The following DYNC2H1 variants were observed in gnomAD, a reference collection of about 807,000 sequenced individuals.
DYNC2H1 encodes the protein cytoplasmic dynein 2 heavy chain 1.
DYNC2H1 carries 410 observed loss-of-function variants against 570.0 expected under a neutral mutation model. The ratio of observed to expected loss-of-function variants is 0.72; its 90% CI spans 0.66 to 0.78. The LOEUF is 0.78. Ranked by LOEUF, DYNC2H1 falls within the 30% of genes least tolerant of loss-of-function variation. DYNC2H1 has a pLI of 0.00. For synonymous variants in DYNC2H1, 1,688 were observed against 1,677.6 expected (o/e 1.01, Z -0.15); for missense variants, 4,865 against 5,046.4 (o/e 0.96, Z 1.09).
intron 84 of DYNC2H1, among the ~76,000 whole-genome samples, chr11:103,406,001 T>C (rs1261663173): frequency 6.6e-6 from 1 of 152,002 alleles, no homozygotes; most frequent in Non-Finnish European, 1.5e-5. Flanking sequence ...GAGAAGTAGA[T>C]TGAAGCCAGT....
At chr11:103,456,883 AAT>A (rs1406184476) in intron 87 of DYNC2H1, among the ~76,000 whole-genome samples, 1 of 152,248 alleles carries the variant, frequency 6.6e-6, no homozygotes, top group Non-Finnish European at 1.5e-5. Context: ...TATTATATAA[AAT>A]TACCTTTGGG....
Position 103,213,954 on chromosome 11 carries a change from A to T in DYNC2H1, c.8695-1767A>T, listed in dbSNP as rs1307334433. Among the ~76,000 whole-genome samples, 4 of 152,126 alleles carry T rather than the reference A, an allele frequency of 2.6e-5. No individual in the cohort carries two copies. The East Asian group carries it at 7.7e-4, about 29-fold the overall frequency. ...CAATGTTTTATTCTAGAAGTTTTAT[A>T]GTTCCAGGTCTTTTGTTTAAGTCTT... On this transcript the variant is annotated intron_variant, in intron 54 of 88. Coordinates refer to ENST00000375735, the MANE Select transcript of DYNC2H1 (RefSeq NM_001377.3).
chr11:103,389,353 T>C (rs1942034227), intron 83 of DYNC2H1, among the ~76,000 whole-genome samples: 1 of 152,232 alleles, frequency 6.6e-6, no homozygotes, highest in African/African-American at 2.4e-5. Context: ...TGATACCCCC[T>C]TTAACATTTT....
At chr11:103,321,612 TAATA>T (rs887464115) in intron 81 of DYNC2H1, among the ~76,000 whole-genome samples, 9 of 152,260 alleles carry the variant, frequency 5.9e-5, no homozygotes, top group Admixed American at 2.0e-4. Flanking sequence ...AAATATTATT[TAATA>T]AATATGTGTC....
At chr11:103,424,287 A>C (rs472991) in intron 84 of DYNC2H1, among the ~76,000 whole-genome samples, 84,304 of 151,880 alleles carry the variant, frequency 0.56, 24,033 homozygotes, top group East Asian at 0.72. Flanking sequence ...TCACAATGAG[A>C]TAGCCCTGCA....
In DYNC2H1 at chr11:103,186,524, T is replaced by C; in HGVS notation, c.6893+23T>C. On this transcript the variant is annotated intron_variant, in intron 42 of 88. Coordinates refer to ENST00000375735, the MANE Select transcript of DYNC2H1 (RefSeq NM_001377.3). The surrounding 1 kb of genome is among the most constrained non-coding windows in gnomAD (Gnocchi z 4.5). ...AGGGTAAGAAAAATATTGGCAAAGG[T>C]ATATGTTGTGGATTTATTCCTGCCG... 6.2e-7 allele frequency: 1 copy of C among 1,601,048 alleles called. No homozygotes were observed. Among genetic ancestry groups the C allele is most frequent in the Non-Finnish European group, 8.5e-7 (1 of 1,176,376 alleles).
chr11:103,383,569 G>A (rs1160770223), intron 83 of DYNC2H1, among the ~76,000 whole-genome samples: 6 of 151,620 alleles, frequency 4.0e-5, no homozygotes, highest in Admixed American at 2.0e-4. Flanking sequence ...TGCCTCCCGC[G>A]TTCACGCCAT....
At chr11:103,240,744 A>G (rs1404802268) in intron 63 of DYNC2H1, among the ~76,000 whole-genome samples, 1 of 151,902 alleles carries the variant, frequency 6.6e-6, no homozygotes, top group African/African-American at 2.4e-5. Flanking sequence ...CACTTCCTTT[A>G]CTGTTGTTGG....
chr11:103,479,425 T>C lies in DYNC2H1; in HGVS notation c.*172T>C. Reference sequence around the variant, plus strand: ...TGTAAAAGCAGCACTGTGCATCTTTTAAAGTAATAAATTAATGGAGTTATT... The same window carrying C: ...TGTAAAAGCAGCACTGTGCATCTTTCAAAGTAATAAATTAATGGAGTTATT... On this transcript the variant is annotated 3_prime_UTR_variant, in exon 89 of 89. Coordinates refer to ENST00000375735, the MANE Select transcript of DYNC2H1 (RefSeq NM_001377.3). The C allele has an allele frequency of 1.8e-6, 1 of 558,928 alleles. No individual in the cohort carries two copies. The highest frequency in any genetic ancestry group is 2.8e-6 in the Non-Finnish European group (1 of 359,204). The allele number at this position is 558,928 out of a possible 1,614,324, so 34.6% of individuals were successfully genotyped here. A position where few individuals can be genotyped will look rare whatever the true frequency, so the allele number is the denominator to read the frequency against.
In DYNC2H1 at chr11:103,290,778, G is replaced by T. The variant is rs560888822; in HGVS notation, c.11095+3173G>T. 7.9e-5 allele frequency among the ~76,000 whole-genome samples: 12 copies of T among 152,156 alleles called. No individual in the cohort carries two copies. In the East Asian group the frequency reaches 2.3e-3, roughly 29 times the overall value. ...GACTCTCATTTTAATTTCTGCATGT[G>T]TGTTGTCCTTAGTCTCAAGGGTTCA... On this transcript the variant is annotated intron_variant, in intron 75 of 88. Coordinates refer to ENST00000375735, the MANE Select transcript of DYNC2H1 (RefSeq NM_001377.3).
chr11:103,209,879 C>T lies in DYNC2H1; in HGVS notation c.8458C>T (p.Pro2820Ser). The T allele has an allele frequency of 6.8e-7, 1 of 1,480,066 alleles. No individual in the cohort carries two copies. The highest frequency in any genetic ancestry group is 9.0e-7 in the Non-Finnish European group (1 of 1,112,470). 91.7% of individuals were successfully genotyped at this position (1,480,066 alleles called of 1,614,324 possible). A position where few individuals can be genotyped will look rare whatever the true frequency, so the allele number is the denominator to read the frequency against. ...GWSNSSMKKI[P>S]EMLFSETGGG... ...TGATATTCTTTTTATGTTTTAGATA[C>T]CTGAAATGTTATTCAGTGAAACAGG... Residue 2820 changes from proline (P) to serine (S), a missense_variant, in exon 53 of 89, where the codon CCT (proline) becomes TCT (serine). Physicochemically the swap from Pro to Ser is moderately conservative, Grantham distance 74. Transcript: ENST00000375735. This position sits in a 1 kb window ranked among gnomAD's most constrained non-coding sequence, Gnocchi z 4.2.
intron 81 of DYNC2H1, among the ~76,000 whole-genome samples, chr11:103,323,666 G>A (rs1452898127): frequency 6.6e-6 from 1 of 151,986 alleles, no homozygotes; most frequent in African/African-American, 2.4e-5. Flanking sequence ...TGGGAGTTAT[G>A]ATAAGAAAAT....
At chr11:103,153,588 G>T in intron 22 of DYNC2H1, 80 bp downstream of exon 22, 1 of 1,238,092 alleles carries the variant, frequency 8.1e-7, no homozygotes, top group Non-Finnish European at 1.1e-6. Context: ...TCTTATGTCT[G>T]TTATCTTGAT....
chr11:103,147,792 T>A lies in DYNC2H1; in HGVS notation c.2723T>A (p.Leu908Ter). The stretch of plus-strand genomic sequence containing the variant: ...TTCAGTGCTGTCAAGGTAGATTGTT[T>A]AAATATTAATTGCAACCCTGTGAAG... ...RLPSAVKVDC[L>*]NINCNPVKTV... The change falls in exon 19 of 89, where the codon TTA (leucine) becomes TAA (stop). Residue 908 changes from leucine (L) to a stop codon, truncating the protein, a stop_gained. Transcript: ENST00000375735. LOFTEE classifies it high-confidence loss of function. 1 of 1,608,750 alleles carries A rather than the reference T, an allele frequency of 6.2e-7. No individual in the cohort carries two copies. Among genetic ancestry groups the A allele is most frequent in the Non-Finnish European group, 8.5e-7 (1 of 1,178,054 alleles).
At chr11:103,115,679 G>A (rs1858350876) in intron 4 of DYNC2H1, among the ~76,000 whole-genome samples, 1 of 152,032 alleles carries the variant, frequency 6.6e-6, no homozygotes, top group African/African-American at 2.4e-5. Flanking sequence ...GCGCCTACTC[G>A]GGAGGCTGAG....
At chr11:103,146,854 T>G (rs1183240016) in intron 18 of DYNC2H1, among the ~76,000 whole-genome samples, 2 of 152,168 alleles carry the variant, frequency 1.3e-5, no homozygotes, top group Non-Finnish European at 2.9e-5. Flanking sequence ...TCCACCTGCT[T>G]CTGCCTCCCA....
At position 103,220,691 on chromosome 11, in the gene DYNC2H1, A is replaced by T. The variant is rs1445600427; in HGVS notation, c.9015A>T (p.Ser3005=). The T allele has an allele frequency of 1.2e-6, 2 of 1,612,768 alleles. No homozygotes were observed. Among genetic ancestry groups the T allele is most frequent in the East Asian group, 2.2e-5 (1 of 44,806 alleles). The change falls in exon 57 of 89, where the codon TCA becomes TCT. Residue 3005 remains serine, a synonymous_variant. Coordinates refer to ENST00000375735, the MANE Select transcript of DYNC2H1 (RefSeq NM_001377.3). ...CCGAATCACTTTCAGAAATTCGCTC[A>T]CTACGCATGCCACCTGATGTAATTA... The part of the protein sequence containing the change: ...IKPESLSEIR[S]LRMPPDVIRD...
chr11:103,336,651 G>A (rs991734833), intron 82 of DYNC2H1, among the ~76,000 whole-genome samples: 7 of 152,006 alleles, frequency 4.6e-5, no homozygotes, highest in Non-Finnish European at 8.8e-5. Context: ...TCTTTGTTAT[G>A]GTGAAATAAT....
At chr11:103,400,775 A>G (rs1229785392) in intron 84 of DYNC2H1, among the ~76,000 whole-genome samples, 1 of 152,118 alleles carries the variant, frequency 6.6e-6, no homozygotes, top group African/African-American at 2.4e-5. Flanking sequence ...AACTTCCTAC[A>G]TTCACATATA....
Sources: allele counts gnomAD v4.1 joint callset (sites outside exome capture counted in the v4.1 genomes callset), GRCh38; gene constraint gnomAD v4.1.1; non-coding constraint Gnocchi (gnomAD v3.1); transcripts MANE v1.5; gene names NCBI Gene and HGNC (gene_info 2026-07-23, HGNC 2026-07-21).